The following FDXR variants were observed in gnomAD, a reference collection of about 807,000 sequenced individuals.
The protein encoded by FDXR is ferredoxin reductase, also known as NADPH:adrenodoxin oxidoreductase, mitochondrial.
Under a neutral mutation model 58.3 loss-of-function variants are expected in FDXR, and 38 were observed. That is an observed-to-expected ratio of 0.65 (90% confidence interval 0.50 to 0.85). FDXR has a LOEUF of 0.85. Among genes scored for constraint, FDXR ranks in the 40% least tolerant of loss-of-function variants. The probability of loss-of-function intolerance (pLI) is 0.00; values close to 1 mark genes in which losing one functional copy is unlikely to be tolerated. For missense variants in FDXR, 624 were observed against 671.0 expected, an observed-to-expected ratio of 0.93 and a Z score of 0.77; for synonymous variants, 275 against 273.8, an observed-to-expected ratio of 1.00 and a Z score of -0.04.
rs2037996512 is a variant in FDXR, at chr17:74,862,505, G to A, written c.*312C>T. The A allele has an allele frequency of 2.1e-5, 6 of 290,180 alleles. No homozygotes were observed. In the East Asian group the frequency reaches 3.5e-4, roughly 17 times the overall value. 18.0% of individuals were successfully genotyped at this position (290,180 alleles called of 1,614,324 possible). On this transcript the variant is annotated 3_prime_UTR_variant, in exon 12 of 12. Transcript: ENST00000293195. ...CCCCCATCAACCATGGCTCTTGGTT[G>A]CAGCTGTTTTATTTCCAGCATGTTC...
intron 2 of FDXR, 130 bp from the exon 3 acceptor site, chr17:74,867,006 C>T: frequency 6.7e-7 from 1 of 1,488,036 alleles, no homozygotes; most frequent in Non-Finnish European, 9.0e-7. Context: ...CTTCCACCCT[C>T]TGCAAGGAAA....
At chr17:74,865,691 AC>A in intron 6 of FDXR, 27 bp downstream of exon 6, 1 of 1,539,174 alleles carries the variant, frequency 6.5e-7, no homozygotes, top group Non-Finnish European at 8.9e-7. Context: ...CCCACCTCCA[AC>A]CCCGCCAGCC....
Position 74,864,064 on chromosome 17 carries a change from C to T in FDXR, c.1006G>A (p.Val336Ile). 2.5e-6 allele frequency: 4 copies of T among 1,613,918 alleles called. No homozygotes were observed. Among genetic ancestry groups the T allele is most frequent in the Non-Finnish European group, 3.4e-6 (4 of 1,180,038 alleles). The part of the protein sequence containing the change: ...VRLAVTRLEG[V>I]DEATRAVPTG... Reference sequence around the variant, plus strand: ...GGCACTGCACGGGTGGCCTCATCGACACCCTGTTGGGGAGAGTGTGGGCAA... The same window carrying T: ...GGCACTGCACGGGTGGCCTCATCGATACCCTGTTGGGGAGAGTGTGGGCAA... Residue 336 changes from valine to isoleucine, a missense_variant, in exon 10 of 12, where the codon GTC (valine) becomes ATC (isoleucine). Val to Ile is a conservative substitution (Grantham distance 29). Coordinates refer to ENST00000293195, the MANE Select transcript of FDXR (RefSeq NM_024417.5).
At chr17:74,863,287 G>C in intron 10 of FDXR, 41 bp from the exon 11 acceptor site, 1 of 1,576,044 alleles carries the variant, frequency 6.3e-7, no homozygotes, top group Non-Finnish European at 8.6e-7. Context: ...GGAGGTGGCT[G>C]GATACCACCC....
At chr17:74,863,812 A>G in intron 10 of FDXR, 84 bp downstream of exon 10, 1 of 1,503,312 alleles carries the variant, frequency 6.7e-7, no homozygotes, top group Non-Finnish European at 9.0e-7. Context: ...ATGTTGCTAG[A>G]TGAATGAACG....
chr17:74,866,959 G>A (rs761150811), intron 2 of FDXR, 83 bp from the exon 3 acceptor site: 6 of 1,560,672 alleles, frequency 3.8e-6, no homozygotes, highest in Non-Finnish European at 5.2e-6. Context: ...CCCAGACAGA[G>A]CAGGAGAGTT....
chr17:74,865,121 C>A (rs749634628), intron 6 of FDXR, among the ~76,000 whole-genome samples, 190 bp from the exon 7 acceptor site: 1 of 152,074 alleles, frequency 6.6e-6, no homozygotes, highest in Non-Finnish European at 1.5e-5. Context: ...GCACACCAGG[C>A]CCACACTTTC....
rs1398746075 is a variant in FDXR, at chr17:74,872,074, C to T, written c.139G>A (p.Gly47Ser). Residue 47 changes from glycine (G) to serine (S), a missense_variant, in exon 2 of 12, where the codon GGC (glycine) becomes AGC (serine). By Grantham distance (56) the Gly-to-Ser change is moderately conservative. Coordinates refer to ENST00000293195, the MANE Select transcript of FDXR (RefSeq NM_024417.5). ...TGGGCCGTGTAGAAGCCAGCTGGGC[C>T]ACTGCCCACCACACAGATCTGGGGG... ...KTPQICVVGSGPAGFYTAQHL... is the reference protein window; with the variant it reads ...KTPQICVVGSSPAGFYTAQHL... 7 of 1,604,532 alleles carry T rather than the reference C, an allele frequency of 4.4e-6. No individual in the cohort carries two copies. The highest frequency in any genetic ancestry group is 3.4e-5 in the Admixed American group (2 of 58,582).
chr17:74,865,233 G>A (rs912683274), intron 6 of FDXR, among the ~76,000 whole-genome samples: 25 of 152,140 alleles, frequency 1.6e-4, no homozygotes, highest in Admixed American at 1.2e-3. Context: ...CAAGGAGCAG[G>A]CCCTCTCAGA....
chr17:74,866,123 A>C lies in FDXR; in HGVS notation c.507+8T>G, dbSNP rs375196494. 5.0e-6 allele frequency: 8 copies of C among 1,602,020 alleles called. No homozygotes were observed. The highest frequency in any genetic ancestry group is 6.8e-6 in the Non-Finnish European group (8 of 1,170,120). On this transcript the variant is annotated splice_region_variant and intron_variant, in intron 5 of 11. Transcript: ENST00000293195. The stretch of plus-strand genomic sequence containing the variant: ...GGAAGAGGCAGCGGGCGTGCTCCCC[A>C]TACTCACCTCCTGGTTCTCAGGAAG...
intron 2 of FDXR, chr17:74,868,372 A>G (rs191668710): frequency 2.7e-5 from 18 of 668,894 alleles, no homozygotes; most frequent in Non-Finnish European, 3.8e-5. Flanking sequence ...TTAAATGAGT[A>G]ATCAGGCAGC....
Position 74,862,832 on chromosome 17 carries a change from G to A in FDXR, c.1461C>T (p.Arg487=), listed in dbSNP as rs1188862137. 7 of 1,611,216 alleles carry A rather than the reference G, an allele frequency of 4.3e-6. No individual in the cohort carries two copies. In the Admixed American group the frequency reaches 5.0e-5, roughly 12 times the overall value. The change falls in exon 12 of 12, where the codon CGC becomes CGT. Residue 487 remains arginine, a synonymous_variant. Transcript: ENST00000293195. ...GGGGCTGGGCTCAGTGGCCCAGGAG[G>A]CGCAGCATCTCCTGAGGATCCACCA... The part of the protein sequence containing the change: ...EKLVDPQEML[R]LLGH
At chr17:74,869,734 C>A (rs926671826) in intron 2 of FDXR, among the ~76,000 whole-genome samples, 2 of 152,178 alleles carry the variant, frequency 1.3e-5, no homozygotes, top group Non-Finnish European at 2.9e-5. Context: ...CCTCCACATT[C>A]GAATGTCAGG....
chr17:74,862,899 T>A lies in FDXR; in HGVS notation c.1394A>T (p.Glu465Val). 11 of 1,613,096 alleles carry A rather than the reference T, an allele frequency of 6.8e-6. No homozygotes were observed. The highest frequency in any genetic ancestry group is 9.3e-6 in the Non-Finnish European group (11 of 1,179,968). ...CCCCGTGCCCTGGCCCCGGGCCACC[T>A]CCTCGGCATCCAGCTTCTCCCAGTC... The part of the protein sequence containing the change: ...FSDWEKLDAE[E>V]VARGQGTGKP... Residue 465 changes from glutamate (E) to valine (V), a missense_variant, in exon 12 of 12, where the codon GAG (glutamate) becomes GTG (valine). By Grantham distance (121) the Glu-to-Val change is moderately radical. Transcript: ENST00000293195.
At chr17:74,864,419 C>T in intron 8 of FDXR, 61 bp downstream of exon 8, 1 of 1,607,094 alleles carries the variant, frequency 6.2e-7, no homozygotes, top group Non-Finnish European at 8.5e-7. Context: ...CTTCCCCAAT[C>T]CCTCTCTGAC....
intron 9 of FDXR, 30 bp downstream of exon 9, chr17:74,864,118 G>T: frequency 2.5e-6 from 4 of 1,613,220 alleles, no homozygotes; most frequent in Non-Finnish European, 3.4e-6. Context: ...GGCCTGGGAA[G>T]GGGGTGTCTT....
In FDXR at chr17:74,863,977, G is replaced by A. The variant is rs148352042; in HGVS notation, c.1093C>T (p.Arg365Cys). Residue 365 changes from arginine to cysteine, a missense_variant, in exon 10 of 12, where the codon CGC (arginine) becomes TGC (cysteine). By Grantham distance (180) the Arg-to-Cys change is radical. Coordinates refer to ENST00000293195, the MANE Select transcript of FDXR (RefSeq NM_024417.5). The part of the protein sequence containing the change: ...LVLSSIGYKS[R>C]PVDPSVPFDS... ...AAGGGCACGCTTGGGTCGACAGGGC[G>A]GCTCTTATACCCAATGCTGCTGAGC... 1.9e-4 allele frequency: 308 copies of A among 1,614,066 alleles called. No homozygotes were observed. The highest frequency in any genetic ancestry group is 6.7e-4 in the East Asian group (30 of 44,872).
intron 2 of FDXR, chr17:74,868,198 A>G (rs1325659823): frequency 8.8e-6 from 3 of 339,954 alleles, no homozygotes; most frequent in Non-Finnish European, 1.6e-5. Flanking sequence ...TACCCAAACC[A>G]CCTCCCTCAA....
chr17:74,863,980 T>G lies in FDXR; in HGVS notation c.1090A>C (p.Ser364Arg). 1.9e-6 allele frequency: 3 copies of G among 1,614,022 alleles called. No individual in the cohort carries two copies. The highest frequency in any genetic ancestry group is 2.5e-6 in the Non-Finnish European group (3 of 1,180,014). The change falls in exon 10 of 12, where the codon AGC (serine) becomes CGC (arginine). Residue 364 changes from serine (S) to arginine (R), a missense_variant. By Grantham distance (110) the Ser-to-Arg change is moderately radical. Coordinates refer to ENST00000293195, the MANE Select transcript of FDXR (RefSeq NM_024417.5). ...GLVLSSIGYK[S>R]RPVDPSVPFD... ...GGCACGCTTGGGTCGACAGGGCGGC[T>G]CTTATACCCAATGCTGCTGAGCACC...
Sources: gnomAD v4.1 joint callset for allele counts (sites outside exome capture counted in the v4.1 genomes callset) on GRCh38, gnomAD v4.1.1 for gene constraint, MANE v1.5 for transcripts, NCBI Gene and HGNC (gene_info 2026-07-23, HGNC 2026-07-21) for gene names.